RPS6KC1: variants seen among roughly 807,000 people sequenced by gnomAD.
RPS6KC1 encodes inactive ribosomal protein S6 kinase delta-1.
RPS6KC1 carries 54 observed loss-of-function variants against 103.8 expected under a neutral mutation model. The observed-to-expected ratio is 0.52, with a 90% CI of 0.42 to 0.65. RPS6KC1 has a LOEUF of 0.65. Among genes scored for constraint, RPS6KC1 ranks in the 30% least tolerant of loss-of-function variants. The pLI, the probability that RPS6KC1 is intolerant of heterozygous loss-of-function variation, is 0.00. For synonymous variants in RPS6KC1, 439 were observed against 438.7 expected (o/e 1.00, Z -0.01); for missense variants, 1,151 against 1,253.8 (o/e 0.92, Z 1.24).
chr1:213,347,667 G>A, the RPS6KC1 span, among the ~76,000 whole-genome samples: 3 of 152,292 alleles, frequency 2.0e-5, no homozygotes, highest in African/African-American at 4.8e-5. Flanking sequence ...TCACAGCACT[G>A]TGCTCCATCC....
At chr1:213,248,483 A>G (rs1021651848) in intron 12 of RPS6KC1, among the ~76,000 whole-genome samples, 4 of 152,192 alleles carry the variant, frequency 2.6e-5, no homozygotes, top group South Asian at 2.1e-4. Flanking sequence ...TCAGTTTGCC[A>G]TAGAATAGTG....
chr1:213,354,388 A>G, the RPS6KC1 span, among the ~76,000 whole-genome samples: 2 of 152,100 alleles, frequency 1.3e-5, no homozygotes, highest in Non-Finnish European at 2.9e-5. Context: ...ACTCATTGAA[A>G]CTTCACAACT....
At chr1:213,604,823 A>G in the RPS6KC1 span, among the ~76,000 whole-genome samples, 1 of 152,082 alleles carries the variant, frequency 6.6e-6, no homozygotes, top group Admixed American at 6.5e-5. Flanking sequence ...GAAGAGAGAT[A>G]GTGGGGCAGG....
At chr1:213,629,677 C>A in the RPS6KC1 span, among the ~76,000 whole-genome samples, 3 of 151,950 alleles carry the variant, frequency 2.0e-5, no homozygotes, top group African/African-American at 7.3e-5. Context: ...TCTTCCTAGC[C>A]TCGACGGTCT....
At position 213,157,116 on chromosome 1, in the gene RPS6KC1, T is replaced by G. The variant is rs80048451; in HGVS notation, c.836-10742T>G. Among the ~76,000 whole-genome samples, 393 of 152,318 alleles carry G rather than the reference T, an allele frequency of 2.6e-3. 3 individuals are homozygous for G. Among genetic ancestry groups the G allele is most frequent in the African/African-American group, 8.7e-3 (361 of 41,578 alleles). On this transcript the variant is annotated intron_variant, in intron 6 of 14. Coordinates refer to ENST00000366960, the MANE Select transcript of RPS6KC1 (RefSeq NM_012424.6). ...ATATTGCTTTCATTTTCACTCAGCT[T>G]GAAATAATTTCCAGTTATCTTTGTT...
intron 10 of RPS6KC1, among the ~76,000 whole-genome samples, chr1:213,239,881 T>G (rs751335019): frequency 1.3e-5 from 2 of 152,148 alleles, no homozygotes; most frequent in Non-Finnish European, 2.9e-5. Flanking sequence ...GTAAAAGTTA[T>G]AATTGACAAA....
At chr1:213,748,187 C>T in the RPS6KC1 span, among the ~76,000 whole-genome samples, 1 of 152,194 alleles carries the variant, frequency 6.6e-6, no homozygotes, top group Non-Finnish European at 1.5e-5. Context: ...GCCTCCCCTG[C>T]ACTTCTTCCC....
intron 6 of RPS6KC1, 52 bp from the exon 7 acceptor site, chr1:213,167,806 A>C (rs2148176960): frequency 9.1e-7 from 1 of 1,102,318 alleles, no homozygotes; most frequent in South Asian, 1.4e-5. Flanking sequence ...GTTAATTTTC[A>C]GGTTGAACTG....
intron 4 of RPS6KC1, among the ~76,000 whole-genome samples, chr1:213,109,244 C>T (rs1054755022): frequency 1.3e-5 from 2 of 152,184 alleles, no homozygotes; most frequent in Non-Finnish European, 2.9e-5. Flanking sequence ...TCATGCCATT[C>T]TCCTGCTTCA....
the RPS6KC1 span, among the ~76,000 whole-genome samples, chr1:213,339,477 G>T: frequency 7.9e-4 from 121 of 152,298 alleles, no homozygotes; most frequent in African/African-American, 2.9e-3. Context: ...ATAGTGTAGC[G>T]TTGCTTTAAG....
chr1:213,452,149 T>G, the RPS6KC1 span, among the ~76,000 whole-genome samples: 2 of 152,222 alleles, frequency 1.3e-5, no homozygotes, highest in African/African-American at 4.8e-5. Context: ...CAAGGGCGTT[T>G]AGGTCAGGCT....
At chr1:213,059,148 G>A (rs1458757371) in intron 1 of RPS6KC1, among the ~76,000 whole-genome samples, 1 of 152,136 alleles carries the variant, frequency 6.6e-6, no homozygotes, top group Non-Finnish European at 1.5e-5. Context: ...GGGTACATGT[G>A]CACAACGTGC....
chr1:213,177,274 T>C (rs1201928016), intron 8 of RPS6KC1, among the ~76,000 whole-genome samples: 1 of 152,208 alleles, frequency 6.6e-6, no homozygotes, highest in Non-Finnish European at 1.5e-5. Context: ...TAAGTATATT[T>C]GCTCAACCAC....
chr1:213,265,619 A>G (rs1342240145), intron 14 of RPS6KC1, among the ~76,000 whole-genome samples: 1 of 152,254 alleles, frequency 6.6e-6, no homozygotes, highest in Non-Finnish European at 1.5e-5. Context: ...TTGTTTTATA[A>G]CAATAGCTTT....
chr1:213,213,843 C>T (rs1217722551), intron 8 of RPS6KC1, among the ~76,000 whole-genome samples: 1 of 152,170 alleles, frequency 6.6e-6, no homozygotes, highest in Non-Finnish European at 1.5e-5. Flanking sequence ...GCTCTGTTTT[C>T]AGCTATTATC....
At chr1:213,703,833 A>C in the RPS6KC1 span, among the ~76,000 whole-genome samples, 1 of 152,134 alleles carries the variant, frequency 6.6e-6, no homozygotes, top group East Asian at 1.9e-4. Flanking sequence ...CTTGGTGTTC[A>C]TAACCTTCTT....
chr1:213,713,426 C>A, the RPS6KC1 span, among the ~76,000 whole-genome samples: 1 of 152,156 alleles, frequency 6.6e-6, no homozygotes, highest in Non-Finnish European at 1.5e-5. Flanking sequence ...AATATTTATT[C>A]ACAACTTTTG....
At chr1:213,157,429 G>A (rs7547782) in intron 6 of RPS6KC1, among the ~76,000 whole-genome samples, 92,783 of 151,892 alleles carry the variant, frequency 0.61, 28,770 homozygotes, top group Non-Finnish European at 0.65. Flanking sequence ...GGATGGTCTC[G>A]ATCTCCTGAC....
chr1:213,249,684 G>A (rs1282390915), intron 12 of RPS6KC1, among the ~76,000 whole-genome samples: 1 of 152,212 alleles, frequency 6.6e-6, no homozygotes, highest in Non-Finnish European at 1.5e-5. Flanking sequence ...AATGGAAAAT[G>A]GGGCATGCTG....
Sources: gnomAD v4.1 joint callset for allele counts (sites outside exome capture counted in the v4.1 genomes callset) on GRCh38, gnomAD v4.1.1 for gene constraint, MANE v1.5 for transcripts, NCBI Gene and HGNC (gene_info 2026-07-23, HGNC 2026-07-21) for gene names.